PTN: variants seen among roughly 807,000 people sequenced by gnomAD.
PTN encodes heparin affin regulatory protein.
Under a neutral mutation model 24.1 loss-of-function variants are expected in PTN, and 18 were observed. That is an observed-to-expected ratio of 0.75 (90% CI 0.52 to 1.11). The LOEUF is 1.11. Ranked by LOEUF, PTN falls within the 50% of genes least tolerant of loss-of-function variation. PTN has a pLI of 0.00. For synonymous variants in PTN, 78 were observed against 68.6 expected (o/e 1.14, Z -0.67); for missense variants, 163 against 198.8 (o/e 0.82, Z 1.08).
At chr7:137,260,485 G>A (rs533784853) in intron 1 of PTN, among the ~76,000 whole-genome samples, 128 of 151,696 alleles carry the variant, frequency 8.4e-4, no homozygotes, top group African/African-American at 3.0e-3. Context: ...TTTATTCAAG[G>A]GTGCTTCCCT....
rs571710032 is a variant in PTN, at chr7:137,255,006, G to T, written c.-1-32C>A. On this transcript the variant is annotated intron_variant, in intron 1 of 4. Coordinates refer to ENST00000348225, the MANE Select transcript of PTN (RefSeq NM_002825.7). ...ATAAACAGAGAAAGAGAAGAAGGTG[G>T]CATTAACCTAAGTCAGAAAGGAAGA... 38 of 1,445,618 alleles carry T rather than the reference G, an allele frequency of 2.6e-5. No homozygotes were observed. The East Asian group carries it at 3.7e-4, about 14-fold the overall frequency. The allele number at this position is 1,445,618 out of a possible 1,614,324, so 89.5% of individuals were successfully genotyped here.
intron 1 of PTN, among the ~76,000 whole-genome samples, chr7:137,264,353 A>C (rs1303339162): frequency 6.6e-6 from 1 of 152,224 alleles, no homozygotes; most frequent in Non-Finnish European, 1.5e-5. Context: ...AACAGTCCTC[A>C]GTCTGAGGAA....
chr7:137,228,096 G>A (rs1256175854), intron 4 of PTN, 21 bp from the exon 5 acceptor site: 1 of 1,421,174 alleles, frequency 7.0e-7, no homozygotes, highest in Non-Finnish European at 9.8e-7. Context: ...AAAAAAGAGA[G>A]ACAGAAAGAG....
intron 1 of PTN, among the ~76,000 whole-genome samples, chr7:137,343,159 G>C (rs1810562393): frequency 6.6e-6 from 1 of 152,156 alleles, no homozygotes; most frequent in South Asian, 2.1e-4. Flanking sequence ...TCTCCAGCTG[G>C]TAGCTGGAAC....
chr7:137,230,351 GA>G (rs994075971), intron 4 of PTN, among the ~76,000 whole-genome samples: 15 of 151,708 alleles, frequency 9.9e-5, no homozygotes, highest in African/African-American at 3.6e-4. Flanking sequence ...TAAATACCAG[GA>G]AATCAACAAT....
At chr7:137,239,721 G>C (rs1808593067) in intron 4 of PTN, among the ~76,000 whole-genome samples, 1 of 152,102 alleles carries the variant, frequency 6.6e-6, no homozygotes, top group Admixed American at 6.6e-5. Context: ...CCCTACAAAG[G>C]ACATGAACTC....
At chr7:137,341,400 C>G (rs1423319125) in intron 1 of PTN, among the ~76,000 whole-genome samples, 2 of 151,792 alleles carry the variant, frequency 1.3e-5, no homozygotes, top group Admixed American at 6.6e-5. Context: ...TGGAAAATAT[C>G]AATAAATTAA....
intron 1 of PTN, among the ~76,000 whole-genome samples, chr7:137,290,635 T>A (rs1809624916): frequency 6.6e-6 from 1 of 152,162 alleles, no homozygotes; most frequent in Non-Finnish European, 1.5e-5. Flanking sequence ...AAATTATTAT[T>A]ATTATCTCTT....
chr7:137,235,315 C>A (rs1808500408), intron 4 of PTN, among the ~76,000 whole-genome samples: 1 of 152,104 alleles, frequency 6.6e-6, no homozygotes, highest in Admixed American at 6.6e-5. Flanking sequence ...GTCAGCTATG[C>A]CTCAGAACTG....
chr7:137,321,137 A>C lies in PTN; in HGVS notation c.-2+22302T>G, dbSNP rs577658170. 3.9e-5 allele frequency among the ~76,000 whole-genome samples: 6 copies of C among 152,322 alleles called. No homozygotes were observed. In the South Asian group the frequency reaches 1.0e-3, roughly 26 times the overall value. ...ATTGCCAAGCTTGTTTTCATGCTGC[A>C]GGTGGTACTGAATTATATAACACAT... On this transcript the variant is annotated intron_variant, in intron 1 of 4. Coordinates refer to ENST00000348225, the MANE Select transcript of PTN (RefSeq NM_002825.7).
intron 1 of PTN, among the ~76,000 whole-genome samples, chr7:137,320,095 C>T (rs866190813): frequency 3.2e-4 from 48 of 152,276 alleles, no homozygotes; most frequent in African/African-American, 1.0e-3. Context: ...CATAAATATA[C>T]GCATTCATAT....
At chr7:137,265,137 C>G (rs946278028) in intron 1 of PTN, among the ~76,000 whole-genome samples, 1 of 152,130 alleles carries the variant, frequency 6.6e-6, no homozygotes, top group Non-Finnish European at 1.5e-5. Context: ...TTAACTGTCA[C>G]CTACTAAAAT....
chr7:137,316,784 C>T (rs912701355), intron 1 of PTN, among the ~76,000 whole-genome samples: 5 of 152,116 alleles, frequency 3.3e-5, no homozygotes, highest in African/African-American at 1.2e-4. Context: ...AGCCGGCTGC[C>T]GGGTTTGGTG....
At chr7:137,331,761 T>C (rs1276819384) in intron 1 of PTN, among the ~76,000 whole-genome samples, 1 of 152,180 alleles carries the variant, frequency 6.6e-6, no homozygotes, top group Non-Finnish European at 1.5e-5. Context: ...CAGGCAGCTG[T>C]GTCTTCCCTG....
At position 137,309,845 on chromosome 7, in the gene PTN, T is replaced by C. The variant is rs77383295; in HGVS notation, c.-2+33594A>G. ...TGAAGTCATGAGCCCCTTAAATTTA[T>C]TCTTGAAGGTTGGAATCCACTTCTT... is the stretch of plus-strand genomic sequence containing the variant. On this transcript the variant is annotated intron_variant, in intron 1 of 4. Transcript: ENST00000348225. Among the ~76,000 whole-genome samples the C allele has an allele frequency of 2.0e-5, 3 of 152,342 alleles. No individual in the cohort carries two copies. In the East Asian group the frequency reaches 5.8e-4, roughly 29 times the overall value.
At chr7:137,331,782 T>A (rs1169535265) in intron 1 of PTN, among the ~76,000 whole-genome samples, 1 of 152,198 alleles carries the variant, frequency 6.6e-6, no homozygotes, top group African/African-American at 2.4e-5. Context: ...GGGAGACTTT[T>A]ACCCTTAGAT....
intron 1 of PTN, 130 bp downstream of exon 1, chr7:137,343,309 T>C (rs1318154482): frequency 2.7e-6 from 1 of 366,708 alleles, no homozygotes; most frequent in South Asian, 2.0e-5. Context: ...AGCAGTCCTA[T>C]CAGCAAAGAC....
chr7:137,305,077 C>T (rs906373459), intron 1 of PTN, among the ~76,000 whole-genome samples: 3 of 152,056 alleles, frequency 2.0e-5, no homozygotes, highest in African/African-American at 7.2e-5. Context: ...CCAATGTCCT[C>T]ACGTTCAACC....
chr7:137,233,495 G>T (rs1043386247), intron 4 of PTN, among the ~76,000 whole-genome samples: 9 of 151,914 alleles, frequency 5.9e-5, no homozygotes, highest in Non-Finnish European at 7.4e-5. Context: ...AGACGCTAGG[G>T]TATAAAGGTG....
Sources: allele counts gnomAD v4.1 joint callset (sites outside exome capture counted in the v4.1 genomes callset), GRCh38; gene constraint gnomAD v4.1.1; transcripts MANE v1.5; gene names NCBI Gene and HGNC (gene_info 2026-07-23, HGNC 2026-07-21).